The following CAMKK2 variants were observed in gnomAD, a reference collection of about 807,000 sequenced individuals.
CAMKK2 encodes calcium/calmodulin dependent protein kinase kinase 2.
A neutral mutation model predicts 67.2 loss-of-function variants in CAMKK2; 30 were observed. The ratio of observed to expected loss-of-function variants is 0.45; its 90% CI spans 0.33 to 0.61. The LOEUF (loss-of-function observed/expected upper bound fraction) is 0.61, where lower values mean the gene tolerates loss of function less well. CAMKK2 is among the 20% of genes least tolerant of loss of function. CAMKK2 has a pLI of 0.02. For missense variants in CAMKK2, 643 were observed against 802.0 expected, an observed-to-expected ratio of 0.80 and a Z score of 2.39; for synonymous variants, 322 against 326.2, an observed-to-expected ratio of 0.99 and a Z score of 0.14.
At chr12:121,242,071 C>A (rs1482258403) in intron 16 of CAMKK2, among the ~76,000 whole-genome samples, 2 of 152,198 alleles carry the variant, frequency 1.3e-5, no homozygotes, top group Non-Finnish European at 2.9e-5. Flanking sequence ...GTGGCTCATG[C>A]CTGTAATCCC....
In CAMKK2 at chr12:121,252,200, T is replaced by C. The variant is rs145055646; in HGVS notation, c.1161+461A>G. On this transcript the variant is annotated intron_variant, in intron 11 of 16. Coordinates refer to ENST00000404169, the MANE Select transcript of CAMKK2 (RefSeq NM_001270485.2). Reference sequence around the variant, plus strand: ...TTCATAGATATGATCATGACATACATACACATGTATATTTAGGAAGGCATC... The same window carrying C: ...TTCATAGATATGATCATGACATACACACACATGTATATTTAGGAAGGCATC... Among the ~76,000 whole-genome samples, 18 of 152,366 alleles carry C rather than the reference T, an allele frequency of 1.2e-4. No homozygotes were observed. In the East Asian group the frequency reaches 3.5e-3, roughly 29 times the overall value.
At chr12:121,241,183 C>A (rs1001731281) in intron 16 of CAMKK2, among the ~76,000 whole-genome samples, 5 of 152,118 alleles carry the variant, frequency 3.3e-5, no homozygotes, top group African/African-American at 9.7e-5. Flanking sequence ...GTAGAAGGCA[C>A]CCCCCACCCC....
intron 7 of CAMKK2, among the ~76,000 whole-genome samples, chr12:121,256,742 C>T (rs535278176): frequency 2.6e-5 from 4 of 152,136 alleles, no homozygotes; most frequent in Non-Finnish European, 5.9e-5. Flanking sequence ...GTGCTTCATT[C>T]CCTTTAATGG....
At chr12:121,241,763 T>C (rs1593251474) in intron 16 of CAMKK2, among the ~76,000 whole-genome samples, 1 of 152,190 alleles carries the variant, frequency 6.6e-6, no homozygotes, top group Admixed American at 6.5e-5. Flanking sequence ...GTGGGTAAGG[T>C]CCCTGGGGAG....
At chr12:121,255,303 T>TATATATATAATTATATATATATAA (rs1566059298) in intron 9 of CAMKK2, among the ~76,000 whole-genome samples, 2 of 23,038 alleles carry the variant, frequency 8.7e-5, no homozygotes, top group South Asian at 1.1e-3. Context: ...TATATATAAT[T>TATATATATAATTATATATATATAA]TTATATATAA....
chr12:121,268,146 T>G (rs954392804), intron 5 of CAMKK2, among the ~76,000 whole-genome samples: 4 of 148,908 alleles, frequency 2.7e-5, no homozygotes, highest in Admixed American at 6.7e-5. Context: ...ACTGGATGCA[T>G]ATATACTCTA....
chr12:121,277,863 A>T (rs1001197511), intron 1 of CAMKK2, among the ~76,000 whole-genome samples: 3 of 152,174 alleles, frequency 2.0e-5, no homozygotes, highest in Admixed American at 6.5e-5. Flanking sequence ...GCTACTCAGG[A>T]GGCTGAAGCA....
chr12:121,254,383 A>G (rs1437013050), intron 9 of CAMKK2, among the ~76,000 whole-genome samples: 2 of 152,050 alleles, frequency 1.3e-5, no homozygotes, highest in African/African-American at 4.8e-5. Context: ...GCTTGAACCC[A>G]GGAGGCAGAG....
At chr12:121,248,027 G>T (rs978089568) in intron 14 of CAMKK2, among the ~76,000 whole-genome samples, 1 of 152,138 alleles carries the variant, frequency 6.6e-6, no homozygotes, top group Non-Finnish European at 1.5e-5. Flanking sequence ...GGTCAGTGGC[G>T]ATTCCCAGAG....
At chr12:121,267,064 A>T in intron 5 of CAMKK2, among the ~76,000 whole-genome samples, 2 of 87,762 alleles carry the variant, frequency 2.3e-5, no homozygotes, top group African/African-American at 7.5e-5. Flanking sequence ...GGTAGATATA[A>T]TTCAAATACC....
rs1042091991 is a variant in CAMKK2, at chr12:121,258,662, CA to C, written c.796+1656del. On this transcript the variant is annotated intron_variant, in intron 7 of 16. Transcript: ENST00000404169. ...TCAAAACCACTGGAATCACATACCC[CA>C]AATTAGCATGGCTTTCTGCAACTGC... 6.6e-5 allele frequency among the ~76,000 whole-genome samples: 10 copies of C among 152,200 alleles called. No individual in the cohort carries two copies. The East Asian group carries it at 1.5e-3, about 24-fold the overall frequency.
At chr12:121,289,142 C>T (rs1566144039) in intron 1 of CAMKK2, among the ~76,000 whole-genome samples, 1 of 152,088 alleles carries the variant, frequency 6.6e-6, no homozygotes, top group Non-Finnish European at 1.5e-5. Context: ...CCCACTCTGC[C>T]CCGTTTCCGT....
upstream of CAMKK2, chr12:121,297,311 C>A: frequency 3.3e-6 from 1 of 301,634 alleles, no homozygotes; most frequent in Non-Finnish European, 6.7e-6. Flanking sequence ...GTGGATGCGG[C>A]CTGGACTTTG....
chr12:121,250,115 A>G, intron 11 of CAMKK2, 81 bp from the exon 12 acceptor site: 1 of 1,025,002 alleles, frequency 9.8e-7, no homozygotes, highest in Non-Finnish European at 1.5e-6. Context: ...GTGCCACTCC[A>G]CATAGGATAC....
chr12:121,276,065 C>G (rs920651647), intron 1 of CAMKK2, among the ~76,000 whole-genome samples: 6 of 150,044 alleles, frequency 4.0e-5, no homozygotes, highest in African/African-American at 1.5e-4. Flanking sequence ...GAGGCTGAGG[C>G]AGGAGAATCA....
chr12:121,257,556 G>A (rs1157433739), intron 7 of CAMKK2, among the ~76,000 whole-genome samples: 1 of 152,072 alleles, frequency 6.6e-6, no homozygotes, highest in Non-Finnish European at 1.5e-5. Context: ...TGAAACCAAA[G>A]GGTTGTTTCA....
intron 15 of CAMKK2, 34 bp from the exon 16 acceptor site, chr12:121,244,649 A>G (rs201878904): frequency 2.0e-4 from 310 of 1,532,550 alleles, no homozygotes; most frequent in Non-Finnish European, 2.6e-4. Context: ...AAGGGAAGTG[A>G]GAAGGGACCC....
rs202214622 is a variant in CAMKK2, at chr12:121,238,808, G to A, written c.*1891C>T. On this transcript the variant is annotated 3_prime_UTR_variant, in exon 17 of 17. Coordinates refer to ENST00000404169, the MANE Select transcript of CAMKK2 (RefSeq NM_001270485.2). ...ACAAGCAGGCTGGGCCTAAGACTAG[G>A]GACCCGCTGGCTTTAACCTCTGCAA... 5.9e-5 allele frequency: 9 copies of A among 152,842 alleles called. No individual in the cohort carries two copies. In the South Asian group the frequency reaches 8.3e-4, roughly 14 times the overall value. 9.5% of individuals were successfully genotyped at this position (152,842 alleles called of 1,614,324 possible). A position where few individuals can be genotyped will look rare whatever the true frequency, so the allele number is the denominator to read the frequency against.
intron 1 of CAMKK2, among the ~76,000 whole-genome samples, chr12:121,279,283 C>T (rs1204509633): frequency 2.0e-5 from 3 of 152,128 alleles, no homozygotes; most frequent in African/African-American, 4.8e-5. Flanking sequence ...GCAGGGCAAG[C>T]GTGAAACCCC....
Sources: allele counts gnomAD v4.1 joint callset (sites outside exome capture counted in the v4.1 genomes callset), GRCh38; gene constraint gnomAD v4.1.1; transcripts MANE v1.5; gene names NCBI Gene and HGNC (gene_info 2026-07-23, HGNC 2026-07-21).